THSD7B: variants seen among roughly 807,000 people sequenced by gnomAD.
THSD7B encodes thrombospondin type-1 domain-containing protein 7B.
Under a neutral mutation model 213.6 loss-of-function variants are expected in THSD7B, and 138 were observed. The observed-to-expected ratio is 0.65, with a 90% CI of 0.56 to 0.74. The LOEUF is 0.74. Ranked by LOEUF, THSD7B falls within the 30% of genes least tolerant of loss-of-function variation. The pLI is 0.00. For synonymous variants in THSD7B, 742 were observed against 687.0 expected (o/e 1.08, Z -1.25); for missense variants, 1,931 against 1,991.5 (o/e 0.97, Z 0.58).
intron 16 of THSD7B, among the ~76,000 whole-genome samples, chr2:137,572,187 C>G (rs924642303): frequency 6.6e-6 from 1 of 152,294 alleles, no homozygotes; most frequent in South Asian, 2.1e-4. Flanking sequence ...TCTAGTCTTT[C>G]CATTGTTCTC....
At chr2:137,207,163 AG>A (rs1426784642) in intron 7 of THSD7B, among the ~76,000 whole-genome samples, 1 of 152,048 alleles carries the variant, frequency 6.6e-6, no homozygotes, top group Non-Finnish European at 1.5e-5. Flanking sequence ...TCTACTTTTC[AG>A]GGCTACCTAT....
chr2:136,973,807 G>A (rs1012882601), intron 2 of THSD7B, among the ~76,000 whole-genome samples: 6 of 152,110 alleles, frequency 3.9e-5, no homozygotes, highest in East Asian at 3.8e-4. Context: ...CTGCTGTTTC[G>A]GAGAGTATAA....
intron 15 of THSD7B, among the ~76,000 whole-genome samples, chr2:137,484,298 A>C (rs906483209): frequency 5.4e-5 from 8 of 149,418 alleles, no homozygotes; most frequent in Admixed American, 1.3e-4. Flanking sequence ...GCGATAGTTT[A>C]CTGAGAATGA....
At chr2:137,121,188 G>C (rs1372910981) in intron 5 of THSD7B, among the ~76,000 whole-genome samples, 1 of 152,218 alleles carries the variant, frequency 6.6e-6, no homozygotes, top group South Asian at 2.1e-4. Context: ...TTATCAGACT[G>C]TTCTTGTTAT....
chr2:137,564,922 G>C (rs535400889), intron 16 of THSD7B, among the ~76,000 whole-genome samples: 1 of 152,272 alleles, frequency 6.6e-6, no homozygotes, highest in South Asian at 2.1e-4. Flanking sequence ...CAGTAGCTCA[G>C]AAGGTGACCA....
intron 2 of THSD7B, among the ~76,000 whole-genome samples, chr2:137,006,389 C>T (rs188763114): frequency 8.6e-5 from 13 of 150,328 alleles, no homozygotes; most frequent in Admixed American, 1.3e-4. Flanking sequence ...AGTGAGACTC[C>T]GTCTCAAGAA....
intron 2 of THSD7B, among the ~76,000 whole-genome samples, chr2:136,895,785 A>G (rs913562976): frequency 2.0e-5 from 3 of 152,088 alleles, no homozygotes; most frequent in African/African-American, 7.2e-5. Flanking sequence ...TCCTGCCTCT[A>G]GCCCAGGCAA....
chr2:137,659,592 A>G, intron 24 of THSD7B, 72 bp from the exon 25 acceptor site: 1 of 1,120,858 alleles, frequency 8.9e-7, no homozygotes, highest in Non-Finnish European at 1.2e-6. Context: ...GGCACAGGTT[A>G]AAAAAAAATA....
At chr2:137,209,936 T>C (rs1479320692) in intron 7 of THSD7B, among the ~76,000 whole-genome samples, 1 of 152,040 alleles carries the variant, frequency 6.6e-6, no homozygotes, top group African/African-American at 2.4e-5. Flanking sequence ...ATCTGACTGG[T>C]ATCCTTATAA....
chr2:137,322,083 G>A (rs1331483423), intron 12 of THSD7B, among the ~76,000 whole-genome samples: 1 of 152,186 alleles, frequency 6.6e-6, no homozygotes, highest in Non-Finnish European at 1.5e-5. Flanking sequence ...GAGCATTAAG[G>A]TTGTCAAGTG....
intron 5 of THSD7B, among the ~76,000 whole-genome samples, chr2:137,142,261 T>A (rs977251646): frequency 2.6e-5 from 4 of 152,108 alleles, no homozygotes; most frequent in African/African-American, 9.7e-5. Flanking sequence ...AAGTATCACA[T>A]GGCAGAAGGA....
At chr2:137,139,465 C>T (rs762126797) in intron 5 of THSD7B, among the ~76,000 whole-genome samples, 72 of 152,152 alleles carry the variant, frequency 4.7e-4, no homozygotes, top group Non-Finnish European at 9.6e-4. Context: ...CACTCACTGA[C>T]CAGTGCTTCG....
chr2:137,419,630 C>A (rs981110862), intron 14 of THSD7B, among the ~76,000 whole-genome samples: 6 of 151,048 alleles, frequency 4.0e-5, no homozygotes, highest in African/African-American at 1.5e-4. Context: ...AAGGTGGGCA[C>A]AACAGTGTAG....
intron 12 of THSD7B, among the ~76,000 whole-genome samples, chr2:137,290,487 T>A (rs1028675865): frequency 4.6e-5 from 7 of 152,142 alleles, no homozygotes; most frequent in Non-Finnish European, 8.8e-5. Context: ...CCCAAGTCGC[T>A]GAGCCCCGCT....
intron 6 of THSD7B, among the ~76,000 whole-genome samples, chr2:137,168,863 T>C (rs1017435608): frequency 6.6e-6 from 1 of 152,130 alleles, no homozygotes; most frequent in African/African-American, 2.4e-5. Context: ...TCGTAGGTCA[T>C]TGTAGTTTGA....
At chr2:136,982,577 A>C (rs1339039004) in intron 2 of THSD7B, among the ~76,000 whole-genome samples, 1 of 152,098 alleles carries the variant, frequency 6.6e-6, no homozygotes, top group Admixed American at 6.5e-5. Context: ...ATAAGACAAA[A>C]CTTTTTAAAG....
chr2:136,935,056 G>A (rs996490399), intron 2 of THSD7B, among the ~76,000 whole-genome samples: 1 of 152,104 alleles, frequency 6.6e-6, no homozygotes, highest in Non-Finnish European at 1.5e-5. Flanking sequence ...TATTTATGAG[G>A]AGTTTGATTA....
rs749017734 is a variant in THSD7B at position 137,056,682 on chromosome 2, T to C, written c.402T>C (p.Ala134=). ...CTCGGACTGCAGAGTGTGTGACGGCTCAGCATGGACTGCAGCACCGGATGG... is the reference window on the plus strand; with the variant it reads ...CTCGGACTGCAGAGTGTGTGACGGCCCAGCATGGACTGCAGCACCGGATGG... The part of the protein sequence containing the change: ...VKPRTAECVT[A]QHGLQHRMVR... Residue 134 remains alanine, a synonymous_variant, in exon 3 of 28, where the codon GCT becomes GCC. Transcript: ENST00000409968. 11 of 1,613,962 alleles carry C rather than the reference T, an allele frequency of 6.8e-6. No individual in the cohort carries two copies. The Admixed American group carries it at 1.8e-4, about 27-fold the overall frequency.
intron 5 of THSD7B, among the ~76,000 whole-genome samples, chr2:137,153,806 T>C (rs1679859702): frequency 1.3e-5 from 2 of 152,164 alleles, no homozygotes; most frequent in Admixed American, 1.3e-4. Context: ...TAAATGAATA[T>C]ATCAAGGGCA....
Sources: gnomAD v4.1 joint callset for allele counts (sites outside exome capture counted in the v4.1 genomes callset) on GRCh38, gnomAD v4.1.1 for gene constraint, MANE v1.5 for transcripts, NCBI Gene and HGNC (gene_info 2026-07-23, HGNC 2026-07-21) for gene names.